Variants in SPRR2B observed in about 807,000 individuals in gnomAD.
SPRR2B encodes small proline-rich protein 2B.
A neutral mutation model predicts 1.0 loss-of-function variants in SPRR2B; 1 was observed. The observed-to-expected ratio is 1.01, with a 90% CI of 0.36 to 4.77. The LOEUF (loss-of-function observed/expected upper bound fraction) is 4.77. Ranked by LOEUF, SPRR2B falls within the 30% of genes most tolerant of loss-of-function variation. The pLI, the probability that SPRR2B is intolerant of heterozygous loss-of-function variation, is 0.16. For missense variants in SPRR2B, 53 were observed against 88.7 expected (o/e 0.60, Z 1.62); for synonymous variants, 27 against 33.4 (o/e 0.81, Z 0.66).
rs1280792217 is a variant in SPRR2B at position 153,070,617 on chromosome 1, G to A, written c.*4C>T. On this transcript the variant is annotated 3_prime_UTR_variant, in exon 2 of 2. Transcript: ENST00000368755. ...TCTCATGCTCCTGATGAATCCTGAAGCTGTTACTTGCTCTTCGGTGGATAC... is the reference window on the plus strand; with the variant it reads ...TCTCATGCTCCTGATGAATCCTGAAACTGTTACTTGCTCTTCGGTGGATAC... 6.2e-7 allele frequency: 1 copy of A among 1,611,600 alleles called. No individual in the cohort carries two copies. Among genetic ancestry groups the A allele is most frequent in the African/African-American group, 1.3e-5 (1 of 74,964 alleles).
chr1:153,077,149 A>C, the SPRR2B span, among the ~76,000 whole-genome samples: 16 of 152,324 alleles, frequency 1.1e-4, no homozygotes, highest in East Asian at 2.9e-3. Context: ...GAAGTAGTTG[A>C]CCAAATGCTC....
chr1:153,087,285 G>GA, the SPRR2B span, among the ~76,000 whole-genome samples: 40 of 145,644 alleles, frequency 2.7e-4, no homozygotes, highest in Admixed American at 1.0e-3. Flanking sequence ...ATCTCAAAAA[G>GA]AAAAAAAAAA....
the SPRR2B span, among the ~76,000 whole-genome samples, chr1:153,079,823 G>C: frequency 6.6e-6 from 1 of 152,004 alleles, no homozygotes; most frequent in East Asian, 1.9e-4. Context: ...TGTTCTTTTG[G>C]CTTAGGATTG....
upstream of SPRR2B, among the ~76,000 whole-genome samples, chr1:153,073,596 C>T (rs1448172473): frequency 2.6e-5 from 4 of 151,678 alleles, no homozygotes; most frequent in Admixed American, 6.6e-5. Flanking sequence ...CACAGTTCAG[C>T]TACATGAAGA....
At chr1:153,076,069 T>C (rs115558816), upstream of SPRR2B, among the ~76,000 whole-genome samples, 778 of 152,326 alleles carry the variant, frequency 5.1e-3, 8 homozygotes, top group African/African-American at 0.018. Context: ...AATATATGTT[T>C]TATTCTTCTG....
At chr1:153,079,320 T>A in the SPRR2B span, among the ~76,000 whole-genome samples, 1 of 152,198 alleles carries the variant, frequency 6.6e-6, no homozygotes, top group Non-Finnish European at 1.5e-5. Context: ...AGGTTGCCTA[T>A]TCACTCTGAT....
chr1:153,081,743 C>A, the SPRR2B span, among the ~76,000 whole-genome samples: 6 of 151,434 alleles, frequency 4.0e-5, no homozygotes, highest in African/African-American at 1.5e-4. Flanking sequence ...GGCAAACACA[C>A]AATATATAAA....
chr1:153,077,837 G>A, the SPRR2B span, among the ~76,000 whole-genome samples: 1 of 152,110 alleles, frequency 6.6e-6, no homozygotes, highest in Non-Finnish European at 1.5e-5. Flanking sequence ...CTGGATATGA[G>A]TCAACTTTTT....
At chr1:153,085,653 T>C in the SPRR2B span, among the ~76,000 whole-genome samples, 4 of 152,062 alleles carry the variant, frequency 2.6e-5, no homozygotes, top group African/African-American at 9.7e-5. Flanking sequence ...GCTAGAGAGG[T>C]AGACATTCAA....
chr1:153,080,961 T>C, the SPRR2B span, among the ~76,000 whole-genome samples: 1 of 152,188 alleles, frequency 6.6e-6, no homozygotes, highest in Non-Finnish European at 1.5e-5. Context: ...AGTGATAACA[T>C]GGAATGACCT....
chr1:153,070,353 C>T lies in SPRR2B; in HGVS notation c.*268G>A. The stretch of plus-strand genomic sequence containing the variant: ...AGAATTCTCTGATGGTTCCCAGGCA[C>T]ACAGCTGCAGCTCTTTCTGCTGAAG... On this transcript the variant is annotated 3_prime_UTR_variant, in exon 2 of 2. Coordinates refer to ENST00000368755, the MANE Select transcript of SPRR2B (RefSeq NM_001388198.1). 1 of 606,442 alleles carries T rather than the reference C, an allele frequency of 1.6e-6. No homozygotes were observed. The highest frequency in any genetic ancestry group is 2.8e-6 in the Non-Finnish European group (1 of 359,584). 37.6% of individuals were successfully genotyped at this position (606,442 alleles called of 1,614,324 possible).
chr1:153,072,239 G>C (rs1035564782), upstream of SPRR2B, among the ~76,000 whole-genome samples: 1 of 152,178 alleles, frequency 6.6e-6, no homozygotes, highest in East Asian at 1.9e-4. Context: ...TCCCTTTGAA[G>C]TTGTCTTACA....
the SPRR2B span, among the ~76,000 whole-genome samples, chr1:153,077,506 G>A: frequency 6.6e-6 from 1 of 151,820 alleles, no homozygotes; most frequent in African/African-American, 2.4e-5. Flanking sequence ...AAATGCAAAT[G>A]AATGCAATAT....
chr1:153,073,492 C>T (rs1199451452), upstream of SPRR2B, among the ~76,000 whole-genome samples: 1 of 152,178 alleles, frequency 6.6e-6, no homozygotes, highest in East Asian at 1.9e-4. Flanking sequence ...CACAGCAGTG[C>T]AGGCACCAGA....
rs764339888 is a variant in SPRR2B at position 153,070,679 on chromosome 1, T to C, written c.161A>G (p.Tyr54Cys). ...GGGTGGGGAAGGTGTCACAGGAGGA[T>C]ATTTCTGCTGGCACTGCTGAGGTGG... Reference protein sequence around the residue: ...PCPPQQCQQKYPPVTPSPPCQ... With the variant: ...PCPPQQCQQKCPPVTPSPPCQ... Residue 54 changes from tyrosine (Y) to cysteine (C), a missense_variant, in exon 2 of 2, where the codon TAT (tyrosine) becomes TGT (cysteine). By Grantham distance (194) the Tyr-to-Cys change is radical (BLOSUM62 -2). Coordinates refer to ENST00000368755, the MANE Select transcript of SPRR2B (RefSeq NM_001388198.1). 1.1e-5 allele frequency: 18 copies of C among 1,611,736 alleles called. No homozygotes were observed. The highest frequency in any genetic ancestry group is 1.1e-4 in the African/African-American group (8 of 74,722).
the SPRR2B span, among the ~76,000 whole-genome samples, chr1:153,081,412 A>C: frequency 6.6e-6 from 1 of 152,214 alleles, no homozygotes; most frequent in African/African-American, 2.4e-5. Flanking sequence ...AAAGCCCTAA[A>C]ATAAAACACT....
chr1:153,075,131 G>A (rs145792139), upstream of SPRR2B, among the ~76,000 whole-genome samples: 2,524 of 152,208 alleles, frequency 0.017, 68 homozygotes, highest in African/African-American at 0.058. Flanking sequence ...TGATCACGAG[G>A]TCAGGAGTTC....
chr1:153,079,556 G>T, the SPRR2B span, among the ~76,000 whole-genome samples: 1 of 152,066 alleles, frequency 6.6e-6, no homozygotes, highest in African/African-American at 2.4e-5. Flanking sequence ...GTGTAAGGAA[G>T]GGATCCAGTT....
the SPRR2B span, among the ~76,000 whole-genome samples, chr1:153,078,146 A>G: frequency 6.6e-6 from 1 of 152,250 alleles, no homozygotes; most frequent in African/African-American, 2.4e-5. Context: ...AATTAAAAAA[A>G]ATAGTTCAAC....
Sources: gnomAD v4.1 joint callset for allele counts (sites outside exome capture counted in the v4.1 genomes callset) on GRCh38, gnomAD v4.1.1 for gene constraint, MANE v1.5 for transcripts, NCBI Gene and HGNC (gene_info 2026-07-23, HGNC 2026-07-21) for gene names.